BCR: variants seen among roughly 807,000 people sequenced by gnomAD.
BCR encodes the protein BCR activator of RhoGEF and GTPase, also known as breakpoint cluster region protein.
Under a neutral mutation model 138.6 loss-of-function variants are expected in BCR, and 58 were observed. The ratio of observed to expected loss-of-function variants is 0.42; its 90% CI spans 0.34 to 0.52. The LOEUF is 0.52. Among genes scored for constraint, BCR ranks in the 20% least tolerant of loss-of-function variants. BCR has a pLI of 0.06. For missense variants in BCR, 1,599 were observed against 1,727.2 expected, an observed-to-expected ratio of 0.93 and a Z score of 1.32; for synonymous variants, 786 against 730.1, an observed-to-expected ratio of 1.08 and a Z score of -1.23.
chr22:23,240,378 G>C (rs145621324), intron 1 of BCR, among the ~76,000 whole-genome samples: 1 of 151,570 alleles, frequency 6.6e-6, no homozygotes, highest in Non-Finnish European at 1.5e-5. Flanking sequence ...TAGGCCGGGC[G>C]CGGTGGCTCA....
In BCR at chr22:23,260,942, T is replaced by A. The variant is rs778432175; in HGVS notation, c.1462-8T>A. ...TTCCAGGCTGACTTCTGTCTATTTC[T>A]CCTGCAGAGTGAGCTGGACTTGGAA... On this transcript the variant is annotated splice_region_variant and splice_polypyrimidine_tract_variant and intron_variant, in intron 2 of 22. Coordinates refer to ENST00000305877, the MANE Select transcript of BCR (RefSeq NM_004327.4). 4.3e-6 allele frequency: 7 copies of A among 1,613,280 alleles called. No homozygotes were observed. In the Admixed American group the frequency reaches 1.2e-4, roughly 27 times the overall value.
chr22:23,315,442 C>T lies in BCR; in HGVS notation c.3736C>T (p.Leu1246=), dbSNP rs1447462642. ...SLEVMSQVQV[L]LYFLQLEAIP... is the part of the protein sequence containing the mutation. ...TACTCTGCCCGGGCAGGTCCAGGTG[C>T]TGCTGTACTTCCTGCAGCTGGAGGC... The change falls in exon 23 of 23, where the codon CTG becomes TTG. Residue 1246 remains leucine, a synonymous_variant. Transcript: ENST00000305877. The T allele has an allele frequency of 3.1e-6, 5 of 1,613,690 alleles. No individual in the cohort carries two copies. The Admixed American group carries it at 6.7e-5, about 22-fold the overall frequency.
chr22:23,220,366 C>T (rs949668341), intron 1 of BCR, among the ~76,000 whole-genome samples: 23 of 152,178 alleles, frequency 1.5e-4, no homozygotes, highest in African/African-American at 4.8e-4. Flanking sequence ...AGCCAGGTGT[C>T]AGGGAATGGC....
At chr22:23,284,241 T>TA (rs1308226022) in intron 9 of BCR, 143 bp downstream of exon 9, 5 of 1,307,274 alleles carry the variant, frequency 3.8e-6, no homozygotes, top group Non-Finnish European at 5.2e-6. Context: ...GGCTCCAGGT[T>TA]AAAGATTGTC....
chr22:23,256,375 A>AG, intron 2 of BCR, among the ~76,000 whole-genome samples: 1 of 152,236 alleles, frequency 6.6e-6, no homozygotes, highest in South Asian at 2.1e-4. Context: ...GACAGAGGCC[A>AG]GGCACCCCCT....
intron 1 of BCR, among the ~76,000 whole-genome samples, chr22:23,229,926 C>T (rs1416588681): frequency 6.6e-6 from 1 of 152,094 alleles, no homozygotes; most frequent in Non-Finnish European, 1.5e-5. Flanking sequence ...CTGCTTGCAT[C>T]TGTGGGGAGA....
At chr22:23,199,995 T>G (rs1455588785) in intron 1 of BCR, among the ~76,000 whole-genome samples, 2 of 150,134 alleles carry the variant, frequency 1.3e-5, no homozygotes, top group Non-Finnish European at 3.0e-5. Flanking sequence ...GGCTGAGGCA[T>G]GAGAATGGCA....
At chr22:23,304,625 G>GT (rs1483410104) in intron 16 of BCR, among the ~76,000 whole-genome samples, 1 of 152,098 alleles carries the variant, frequency 6.6e-6, no homozygotes, top group Non-Finnish European at 1.5e-5. Flanking sequence ...GTGCAACAAG[G>GT]TGACTATTTG....
rs114621732 is a variant in BCR, at chr22:23,255,092, G to A, written c.1461+1112G>A. Among the ~76,000 whole-genome samples the A allele has an allele frequency of 6.9e-3, 1,050 of 152,312 alleles. 11 individuals carry two copies. The highest frequency in any genetic ancestry group is 0.023 in the African/African-American group (953 of 41,562). On this transcript the variant is annotated intron_variant, in intron 2 of 22. Coordinates refer to ENST00000305877, the MANE Select transcript of BCR (RefSeq NM_004327.4). ...GAGAGATGGACTTTTCCCCATTTCT[G>A]TAAGGAAGCTCCAGAAGTGTATCTT...
At chr22:23,244,944 T>A (rs1473278284) in intron 1 of BCR, among the ~76,000 whole-genome samples, 7 of 152,114 alleles carry the variant, frequency 4.6e-5, no homozygotes, top group South Asian at 4.1e-4. Context: ...CACAGGTGGG[T>A]CCTTGGAGAC....
chr22:23,282,558 C>G (rs901641536), intron 8 of BCR, among the ~76,000 whole-genome samples: 2 of 152,262 alleles, frequency 1.3e-5, no homozygotes, highest in African/African-American at 4.8e-5. Context: ...TCTGTTGCCT[C>G]CGGCCCCAGA....
rs944875951 is a variant in BCR, at chr22:23,213,668, G to A, written c.1279+31429G>A. Among the ~76,000 whole-genome samples the A allele has an allele frequency of 7.9e-5, 12 of 152,164 alleles. 1 individual carries two copies. Among genetic ancestry groups the A allele is most frequent in the African/African-American group, 2.2e-4 (9 of 41,510 alleles). On this transcript the variant is annotated intron_variant, in intron 1 of 22. Coordinates refer to ENST00000305877, the MANE Select transcript of BCR (RefSeq NM_004327.4). The stretch of plus-strand genomic sequence containing the variant: ...TGAGAGCTCGTCTCTCCAAAAAAAC[G>A]TAAAAATATTAATTGCTGGGGCGTG...
intron 4 of BCR, chr22:23,264,176 C>T: frequency 7.4e-7 from 1 of 1,356,702 alleles, no homozygotes; most frequent in Non-Finnish European, 1.1e-6. Flanking sequence ...ACTTGCTTGC[C>T]ACAGGTTCCT....
intron 5 of BCR, among the ~76,000 whole-genome samples, chr22:23,269,249 C>T (rs1602086247): frequency 6.6e-6 from 1 of 152,250 alleles, no homozygotes; most frequent in Non-Finnish European, 1.5e-5. Context: ...TTCTGCCCTT[C>T]TCCAGCCTGT....
At chr22:23,247,444 C>G (rs928775416) in intron 1 of BCR, among the ~76,000 whole-genome samples, 3 of 152,322 alleles carry the variant, frequency 2.0e-5, no homozygotes, top group African/African-American at 7.2e-5. Flanking sequence ...TCTCTTGACT[C>G]CAGTACATGT....
At chr22:23,227,076 A>G (rs1349110979) in intron 1 of BCR, among the ~76,000 whole-genome samples, 2 of 152,178 alleles carry the variant, frequency 1.3e-5, no homozygotes, top group Non-Finnish European at 2.9e-5. Context: ...AATTCCTTCA[A>G]AGCCAAAAAC....
chr22:23,257,743 CT>C (rs2073310562), intron 2 of BCR, among the ~76,000 whole-genome samples: 1 of 152,200 alleles, frequency 6.6e-6, no homozygotes. Flanking sequence ...GGGCAGCAGA[CT>C]TGCTGAACTT....
At chr22:23,234,955 G>C (rs562935027) in intron 1 of BCR, among the ~76,000 whole-genome samples, 1 of 143,578 alleles carries the variant, frequency 7.0e-6, no homozygotes, top group Non-Finnish European at 1.6e-5. Context: ...GAGGAGTCAG[G>C]CTCCTCCCCC....
intron 16 of BCR, 21 bp downstream of exon 16, chr22:23,295,176 C>T (rs2073831562): frequency 6.2e-7 from 1 of 1,612,766 alleles, no homozygotes; most frequent in Non-Finnish European, 8.5e-7. Context: ...CATCCCTACC[C>T]TCCCCTGCCC....
Sources: gnomAD v4.1 joint callset for allele counts (sites outside exome capture counted in the v4.1 genomes callset) on GRCh38, gnomAD v4.1.1 for gene constraint, MANE v1.5 for transcripts, NCBI Gene and HGNC (gene_info 2026-07-23, HGNC 2026-07-21) for gene names.